Variants in GRID2 observed in about 807,000 individuals in gnomAD.
GRID2 encodes glutamate ionotropic receptor delta type subunit 2, also known as glutamate receptor ionotropic, delta-2.
Under a neutral mutation model 114.8 loss-of-function variants are expected in GRID2, and 33 were observed. The observed-to-expected ratio is 0.29, with a 90% CI of 0.22 to 0.38. The LOEUF (loss-of-function observed/expected upper bound fraction) is 0.38. Ranked by LOEUF, GRID2 falls within the 10% of genes least tolerant of loss-of-function variation. GRID2 has a pLI of 1.00. For synonymous variants in GRID2, 505 were observed against 449.9 expected, an observed-to-expected ratio of 1.12 and a Z score of -1.55; for missense variants, 1,184 against 1,257.7, an observed-to-expected ratio of 0.94 and a Z score of 0.89.
Position 93,769,379 on chromosome 4 carries a change from C to G in GRID2, c.2530C>G (p.Leu844Val). 2 of 1,613,808 alleles carry G rather than the reference C, an allele frequency of 1.2e-6. No individual in the cohort carries two copies. Among genetic ancestry groups the G allele is most frequent in the Non-Finnish European group, 1.7e-6 (2 of 1,179,808 alleles). The change falls in exon 15 of 16, where the codon CTC becomes GTC. Residue 844 changes from leucine (L) to valine (V), a missense_variant. Leu to Val is a conservative substitution (Grantham distance 32, BLOSUM62 1). Coordinates refer to ENST00000282020, the MANE Select transcript of GRID2 (RefSeq NM_001510.4). ...VFCILAAGIV[L>V]SCFIAMLETW... is the part of the protein sequence containing the mutation. Reference sequence around the variant, plus strand: ...TTGTATCCTGGCTGCTGGAATTGTCCTCTCCTGCTTCATAGCCATGCTGGA... The same window carrying G: ...TTGTATCCTGGCTGCTGGAATTGTCGTCTCCTGCTTCATAGCCATGCTGGA...
chr4:92,356,409 T>A (rs928027059), intron 1 of GRID2, among the ~76,000 whole-genome samples: 1 of 151,594 alleles, frequency 6.6e-6, no homozygotes, highest in Admixed American at 6.6e-5. Flanking sequence ...GAAAACGTTC[T>A]ATTTTAATGA....
intron 9 of GRID2, among the ~76,000 whole-genome samples, chr4:93,418,176 A>G (rs1186265422): frequency 6.6e-6 from 1 of 151,798 alleles, no homozygotes; most frequent in Non-Finnish European, 1.5e-5. Context: ...ACTTCTAGAA[A>G]TAGGAGCACT....
chr4:92,711,599 A>G (rs1421000777), intron 2 of GRID2, among the ~76,000 whole-genome samples: 2 of 152,124 alleles, frequency 1.3e-5, no homozygotes, highest in Non-Finnish European at 2.9e-5. Context: ...GGAGAAAACT[A>G]TGCTTTTAAA....
chr4:93,071,134 A>C (rs757604505), intron 2 of GRID2, among the ~76,000 whole-genome samples: 7 of 152,128 alleles, frequency 4.6e-5, no homozygotes, highest in Admixed American at 3.9e-4. Flanking sequence ...TCTCTTCCTC[A>C]TACTATTGTT....
chr4:93,362,618 A>G (rs544297909), intron 8 of GRID2, among the ~76,000 whole-genome samples: 2 of 152,172 alleles, frequency 1.3e-5, no homozygotes, highest in East Asian at 3.9e-4. Context: ...TCAATAAGCT[A>G]TGTAGGGAAG....
rs575494860 is a variant in GRID2, at chr4:93,194,761, A to T, written c.736-12643A>T. Among the ~76,000 whole-genome samples, 10 of 152,310 alleles carry T rather than the reference A, an allele frequency of 6.6e-5. No homozygotes were observed. The South Asian group carries it at 1.7e-3, about 25-fold the overall frequency. On this transcript the variant is annotated intron_variant, in intron 4 of 15. Transcript: ENST00000282020. ...ACTCTTCATAAAACAGTGGATCTCA[A>T]AATCATTCCCTGAACCTACAATATT...
At chr4:92,401,002 A>G (rs1730762495) in intron 1 of GRID2, among the ~76,000 whole-genome samples, 1 of 152,292 alleles carries the variant, frequency 6.6e-6, no homozygotes, top group African/African-American at 2.4e-5. Context: ...TGCTAATCAA[A>G]TATGATTTGC....
intron 4 of GRID2, among the ~76,000 whole-genome samples, chr4:93,124,873 T>TA (rs1213681684): frequency 6.6e-6 from 1 of 152,164 alleles, no homozygotes; most frequent in African/African-American, 2.4e-5. Context: ...ATAAGAAGGT[T>TA]AAAAAATTAA....
Position 93,569,783 on chromosome 4 carries a change from CTG to C in GRID2, c.2193+54375_2193+54376del, listed in dbSNP as rs1288957750. On this transcript the variant is annotated intron_variant, in intron 13 of 15. Coordinates refer to ENST00000282020, the MANE Select transcript of GRID2 (RefSeq NM_001510.4). ...CACCTCAAAGACACTGTGATTCTGA[CTG>C]TGCTGTTCTCTCAGATTTTCTCATC... Among the ~76,000 whole-genome samples, 3 of 152,228 alleles carry C rather than the reference CTG, an allele frequency of 2.0e-5. No homozygotes were observed. In the East Asian group the frequency reaches 5.8e-4, roughly 29 times the overall value.
At chr4:92,956,334 G>A (rs912156254) in intron 2 of GRID2, among the ~76,000 whole-genome samples, 2 of 152,068 alleles carry the variant, frequency 1.3e-5, no homozygotes, top group South Asian at 2.1e-4. Flanking sequence ...GCACAATTAT[G>A]GTATTATGCA....
chr4:93,207,412 G>A lies in GRID2; in HGVS notation c.744G>A (p.Glu248=). The stretch of plus-strand genomic sequence containing the variant: ...TTTGTTTTCTATTCTAGGTTGTGGA[G>A]ACTAATTTGGTTGCTTTTGACTGTC... ...TAKSFITEVV[E]TNLVAFDCHW... Residue 248 remains glutamate, a synonymous_variant, in exon 5 of 16, where the codon GAG becomes GAA. Transcript: ENST00000282020. 6.2e-7 allele frequency: 1 copy of A among 1,600,756 alleles called. No individual in the cohort carries two copies. The highest frequency in any genetic ancestry group is 1.1e-5 in the South Asian group (1 of 90,760).
chr4:92,735,145 AT>A (rs1736528570), intron 2 of GRID2, among the ~76,000 whole-genome samples: 1 of 152,042 alleles, frequency 6.6e-6, no homozygotes, highest in Non-Finnish European at 1.5e-5. Context: ...TAATTATCCA[AT>A]TTAATATTAA....
chr4:92,944,223 G>A (rs1324855815), intron 2 of GRID2, among the ~76,000 whole-genome samples: 2 of 152,164 alleles, frequency 1.3e-5, no homozygotes, highest in Admixed American at 1.3e-4. Context: ...GCTGTGGTGG[G>A]CTCCACCCAA....
At position 93,511,183 on chromosome 4, in the gene GRID2, C is replaced by G. The variant is rs371079748; in HGVS notation, c.1998-4033C>G. 3.9e-5 allele frequency among the ~76,000 whole-genome samples: 6 copies of G among 152,198 alleles called. No individual in the cohort carries two copies. The East Asian group carries it at 7.7e-4, about 20-fold the overall frequency. On this transcript the variant is annotated intron_variant, in intron 12 of 15. Coordinates refer to ENST00000282020, the MANE Select transcript of GRID2 (RefSeq NM_001510.4). ...ATATCCTGACCTCAAGTGATCTGCC[C>G]ACCTCAGCCTCCCAAAGTGCTGGGA...
chr4:93,337,583 T>C (rs1268239267), intron 8 of GRID2, among the ~76,000 whole-genome samples: 1 of 152,162 alleles, frequency 6.6e-6, no homozygotes, highest in Non-Finnish European at 1.5e-5. Context: ...AGCAAACCTG[T>C]TCTTTGCTTT....
intron 14 of GRID2, among the ~76,000 whole-genome samples, chr4:93,746,766 A>G (rs184711010): frequency 7.2e-5 from 11 of 152,214 alleles, no homozygotes; most frequent in African/African-American, 2.6e-4. Flanking sequence ...CCTGTTACAT[A>G]GTCAGGCTAT....
chr4:93,067,135 G>A (rs1302170769), intron 2 of GRID2, among the ~76,000 whole-genome samples: 2 of 151,964 alleles, frequency 1.3e-5, no homozygotes, highest in Non-Finnish European at 2.9e-5. Flanking sequence ...GATGATTACT[G>A]AATTATGACA....
intron 2 of GRID2, among the ~76,000 whole-genome samples, chr4:92,656,478 A>C (rs1179158632): frequency 2.0e-5 from 3 of 151,790 alleles, no homozygotes; most frequent in Non-Finnish European, 4.4e-5. Flanking sequence ...AAATTAAAAA[A>C]AAAAACACTT....
At position 93,728,027 on chromosome 4, in the gene GRID2, G is replaced by A. The variant is rs527996166; in HGVS notation, c.2361-41183G>A. The stretch of plus-strand genomic sequence containing the variant: ...CTTAGTTATTTCTTGCCTTCTGCTA[G>A]CTTTTGAATGTGTTTTCTCTTGCTT... On this transcript the variant is annotated intron_variant, in intron 14 of 15. Transcript: ENST00000282020. Among the ~76,000 whole-genome samples, 173 of 152,202 alleles carry A rather than the reference G, an allele frequency of 1.1e-3. 1 individual carries two copies. The highest frequency in any genetic ancestry group is 4.1e-3 in the African/African-American group (170 of 41,526).
Sources: gnomAD v4.1 joint callset for allele counts (sites outside exome capture counted in the v4.1 genomes callset) on GRCh38, gnomAD v4.1.1 for gene constraint, MANE v1.5 for transcripts, NCBI Gene and HGNC (gene_info 2026-07-23, HGNC 2026-07-21) for gene names.